The following SNTA1 variants were observed in gnomAD, a reference collection of about 807,000 sequenced individuals.
SNTA1 encodes the protein alpha-1-syntrophin.
Under a neutral mutation model 47.1 loss-of-function variants are expected in SNTA1, and 31 were observed. That is an observed-to-expected ratio of 0.66 (90% CI 0.49 to 0.89). The LOEUF is 0.89. Ranked by LOEUF, SNTA1 falls within the 40% of genes least tolerant of loss-of-function variation. SNTA1 has a pLI of 0.00. For missense variants in SNTA1, 575 were observed against 693.0 expected, an observed-to-expected ratio of 0.83 and a Z score of 1.91; for synonymous variants, 300 against 313.6, an observed-to-expected ratio of 0.96 and a Z score of 0.46.
intron 3 of SNTA1, among the ~76,000 whole-genome samples, chr20:33,413,780 T>G (rs158673): frequency 6.8e-6 from 1 of 147,638 alleles, no homozygotes; most frequent in Non-Finnish European, 1.5e-5. Context: ...GAAAAAAAAA[T>G]TTTTTTTTTA....
intron 2 of SNTA1, among the ~76,000 whole-genome samples, chr20:33,432,003 G>A (rs1990320885): frequency 6.6e-6 from 1 of 152,194 alleles, no homozygotes; most frequent in South Asian, 2.1e-4. Flanking sequence ...TTTGTGGGGA[G>A]TCACATGGTC....
intron 2 of SNTA1, among the ~76,000 whole-genome samples, chr20:33,431,118 G>C (rs1990296965): frequency 6.6e-6 from 1 of 150,512 alleles, no homozygotes; most frequent in Non-Finnish European, 1.5e-5. Flanking sequence ...AATAATAGCT[G>C]GGTATGGTGG....
At chr20:33,433,484 C>T (rs1990362920) in intron 2 of SNTA1, among the ~76,000 whole-genome samples, 1 of 151,986 alleles carries the variant, frequency 6.6e-6, no homozygotes. Flanking sequence ...CCAGGCTAGT[C>T]TCGAACCCCT....
At chr20:33,433,820 A>G (rs1990369121) in intron 2 of SNTA1, among the ~76,000 whole-genome samples, 1 of 152,124 alleles carries the variant, frequency 6.6e-6, no homozygotes, top group South Asian at 2.1e-4. Context: ...GGCTGAGAAC[A>G]GGATCAGGAC....
chr20:33,408,263 G>A lies in SNTA1; in HGVS notation c.*244C>T. On this transcript the variant is annotated 3_prime_UTR_variant, in exon 8 of 8. Coordinates refer to ENST00000217381, the MANE Select transcript of SNTA1 (RefSeq NM_003098.3). ...TTCTGTGTACACAAAATATCTCTCTGCAAAAGGCACTGGTGGAGGGGGGCA... is the reference window on the plus strand; with the variant it reads ...TTCTGTGTACACAAAATATCTCTCTACAAAAGGCACTGGTGGAGGGGGGCA... The A allele has an allele frequency of 1.8e-6, 1 of 556,632 alleles. No homozygotes were observed. Among genetic ancestry groups the A allele is most frequent in the Non-Finnish European group, 3.3e-6 (1 of 306,728 alleles). 34.5% of individuals were successfully genotyped at this position (556,632 alleles called of 1,614,324 possible). A position where few individuals can be genotyped will look rare whatever the true frequency, so the allele number is the denominator to read the frequency against.
chr20:33,440,379 C>T (rs907134435), intron 1 of SNTA1, among the ~76,000 whole-genome samples: 1 of 152,118 alleles, frequency 6.6e-6, no homozygotes, highest in African/African-American at 2.4e-5. Flanking sequence ...TTGCTTGAAC[C>T]GGGAGGCTGA....
chr20:33,428,996 G>C (rs776543412), intron 2 of SNTA1, among the ~76,000 whole-genome samples: 1 of 151,268 alleles, frequency 6.6e-6, no homozygotes, highest in Non-Finnish European at 1.5e-5. Flanking sequence ...AGCCAAGATC[G>C]TACCACTGCA....
chr20:33,420,627 G>T (rs1446070144), intron 2 of SNTA1, among the ~76,000 whole-genome samples: 7 of 152,004 alleles, frequency 4.6e-5, no homozygotes. Context: ...TCACCCTCTG[G>T]TCCAATCACA....
chr20:33,438,654 A>G (rs1296378459), intron 2 of SNTA1, among the ~76,000 whole-genome samples, 187 bp downstream of exon 2: 1 of 152,162 alleles, frequency 6.6e-6, no homozygotes, highest in Non-Finnish European at 1.5e-5. Context: ...GCTTGGCTCT[A>G]TGCCAACTCT....
intron 2 of SNTA1, among the ~76,000 whole-genome samples, chr20:33,437,236 C>G (rs951715909): frequency 6.6e-6 from 1 of 151,574 alleles, no homozygotes; most frequent in African/African-American, 2.4e-5. Context: ...GCACTCCAGC[C>G]TGGGCAACAG....
At chr20:33,414,723 A>T (rs773452207) in intron 3 of SNTA1, among the ~76,000 whole-genome samples, 21 of 152,212 alleles carry the variant, frequency 1.4e-4, no homozygotes, top group Admixed American at 1.3e-3. Context: ...TGCCTGGAAT[A>T]TGAACACAAT....
At chr20:33,424,236 C>T (rs944256269) in intron 2 of SNTA1, among the ~76,000 whole-genome samples, 16 of 149,132 alleles carry the variant, frequency 1.1e-4, no homozygotes, top group African/African-American at 3.2e-4. Flanking sequence ...GTGGCTTGAA[C>T]GTGGGAGGCA....
intron 2 of SNTA1, among the ~76,000 whole-genome samples, chr20:33,436,492 T>A (rs188697811): frequency 1.6e-4 from 25 of 152,320 alleles, no homozygotes; most frequent in Admixed American, 5.2e-4. Context: ...ATATGATTGA[T>A]ACACTTAAGC....
intron 2 of SNTA1, among the ~76,000 whole-genome samples, chr20:33,420,744 C>A (rs1214778295): frequency 6.6e-6 from 1 of 152,168 alleles, no homozygotes; most frequent in Non-Finnish European, 1.5e-5. Context: ...CTTTGGTAGG[C>A]CACAGTGGGT....
chr20:33,425,966 C>T (rs1273551221), intron 2 of SNTA1, among the ~76,000 whole-genome samples: 1 of 151,324 alleles, frequency 6.6e-6, no homozygotes, highest in Non-Finnish European at 1.5e-5. Context: ...ATCCCAGCTA[C>T]TTGGGAGGCT....
intron 2 of SNTA1, among the ~76,000 whole-genome samples, chr20:33,435,886 C>T (rs1990429161): frequency 6.6e-6 from 1 of 152,140 alleles, no homozygotes. Flanking sequence ...CAGATAGATA[C>T]ATTTTTAATC....
rs1181358730 is a variant in SNTA1 at position 33,412,397 on chromosome 20, C to G, written c.939G>C (p.Leu313=). The G allele has an allele frequency of 5.0e-6, 8 of 1,611,098 alleles. No homozygotes were observed. The highest frequency in any genetic ancestry group is 3.4e-4 in the Middle Eastern group (2 of 5,846). ...QLPSGGTAPT[L]ALLTEKELLL... is the part of the protein sequence containing the mutation. ...GCAGTTCCTTTTCAGTTAGCAGGGC[C>G]AGGGTGGGGGCTGTGCCCCCACTGG... Residue 313 remains leucine (L), a synonymous_variant, in exon 5 of 8, where the codon CTG becomes CTC. Coordinates refer to ENST00000217381, the MANE Select transcript of SNTA1 (RefSeq NM_003098.3).
At chr20:33,409,630 T>A (rs1989688771) in intron 6 of SNTA1, among the ~76,000 whole-genome samples, 1 of 151,718 alleles carries the variant, frequency 6.6e-6, no homozygotes, top group Non-Finnish European at 1.5e-5. Context: ...CCGGCTAATT[T>A]TTGTATTATT....
chr20:33,429,557 G>A (rs1256841261), intron 2 of SNTA1, among the ~76,000 whole-genome samples: 1 of 151,764 alleles, frequency 6.6e-6, no homozygotes, highest in African/African-American at 2.4e-5. Flanking sequence ...TTGAACCCAG[G>A]AGGCAGAGGT....
Sources: gnomAD v4.1 joint callset for allele counts (sites outside exome capture counted in the v4.1 genomes callset) on GRCh38, gnomAD v4.1.1 for gene constraint, MANE v1.5 for transcripts, NCBI Gene and HGNC (gene_info 2026-07-23, HGNC 2026-07-21) for gene names.